Variants in GPS1 observed in about 807,000 individuals in gnomAD.
The protein encoded by GPS1 is COP9 signalosome complex subunit 1.
GPS1 carries 11 observed loss-of-function variants against 60.0 expected under a neutral mutation model. That is an observed-to-expected ratio of 0.18 (90% CI 0.12 to 0.30). The LOEUF is 0.30. Among genes scored for constraint, GPS1 ranks in the 10% least tolerant of loss-of-function variants. GPS1 has a pLI of 1.00. For synonymous variants in GPS1, 343 were observed against 269.8 expected (o/e 1.27, Z -2.66); for missense variants, 543 against 669.2 (o/e 0.81, Z 2.08).
At chr17:82,051,443 C>A, upstream of GPS1, 1 of 1,348,388 alleles carries the variant, frequency 7.4e-7, no homozygotes, top group South Asian at 2.0e-5. The surrounding 1 kb of genome is among the most constrained non-coding windows in gnomAD (Gnocchi z 4.1). Flanking sequence ...GGCCTAGACC[C>A]TGGGAGGCGG....
rs1416734778 is a variant in GPS1, at chr17:82,054,814, G to A, written c.609+4G>A. ...CATGTGCCTCAATGTCATCAAGGTC[G>A]GCCTGCCTCGGCGGGCGGGGGTGGG... On this transcript the variant is annotated splice_donor_region_variant and intron_variant, in intron 4 of 12. Transcript: ENST00000578552. 7 of 1,588,670 alleles carry A rather than the reference G, an allele frequency of 4.4e-6. No individual in the cohort carries two copies. The highest frequency in any genetic ancestry group is 2.7e-5 in the African/African-American group (2 of 74,554).
At chr17:82,051,714 G>A (rs1214392814), upstream of GPS1, 2 of 1,038,950 alleles carry the variant, frequency 1.9e-6, no homozygotes, top group Non-Finnish European at 2.3e-6. This position sits in a 1 kb window ranked among gnomAD's most constrained non-coding sequence, Gnocchi z 4.1. Flanking sequence ...CGCGGCCAGG[G>A]CCGCGGCCAG....
At chr17:82,052,057 C>T (rs1399637222) in intron 1 of GPS1, 93 bp downstream of exon 1, 18 of 993,602 alleles carry the variant, frequency 1.8e-5, no homozygotes, top group Non-Finnish European at 2.2e-5. Context: ...GGGCCTGCGC[C>T]AGGAGTCGGT....
Position 82,054,881 on chromosome 17 carries a change from C to T in GPS1, c.610-17C>T. 1.3e-6 allele frequency: 2 copies of T among 1,571,198 alleles called. No homozygotes were observed. Among genetic ancestry groups the T allele is most frequent in the African/African-American group, 1.3e-5 (1 of 74,474 alleles). ...TTGGGGCGCCCGGGCTCACTTGGCT[C>T]TGCGCCCCCCCGCCAGGTCAGCGTC... On this transcript the variant is annotated splice_polypyrimidine_tract_variant and intron_variant, in intron 4 of 12. Coordinates refer to ENST00000578552, the MANE Select transcript of GPS1 (RefSeq NM_001321092.3).
In GPS1 at chr17:82,054,519, G is replaced by A; in HGVS notation, c.318G>A (p.Gln106=). 1 of 1,536,026 alleles carries A rather than the reference G, an allele frequency of 6.5e-7. No homozygotes were observed. The highest frequency in any genetic ancestry group is 8.7e-7 in the Non-Finnish European group (1 of 1,143,176). Residue 106 remains glutamine, a synonymous_variant, in exon 4 of 13, where the codon CAG becomes CAA. Transcript: ENST00000578552. The part of the protein sequence containing the change: ...RKLSEATREL[Q]NAPDAIPESG... ...CCAGGTCCTCTCTCAGGGAGCTGCA[G>A]AACGCACCCGACGCCATCCCTGAGA...
At chr17:82,051,778 G>A (rs1315037618), upstream of GPS1, 17 of 1,112,888 alleles carry the variant, frequency 1.5e-5, no homozygotes, top group African/African-American at 1.7e-5. This position sits in a 1 kb window ranked among gnomAD's most constrained non-coding sequence, Gnocchi z 4.1. Flanking sequence ...CGGCCGCCGG[G>A]ACCCCCGGCG....
chr17:82,054,188 G>T, intron 3 of GPS1, 139 bp downstream of exon 3: 1 of 977,912 alleles, frequency 1.0e-6, no homozygotes. Context: ...GCTCTCTTTT[G>T]GCCAGCAGTG....
Position 82,055,854 on chromosome 17 carries a change from C to T in GPS1, c.834+29C>T, listed in dbSNP as rs760512015. The T allele has an allele frequency of 5.9e-6, 9 of 1,538,146 alleles. No homozygotes were observed. The South Asian group carries it at 1.1e-4, about 18-fold the overall frequency. ...AGGAGCCCTCTGGGGACTTGGGAGGCAGAGCATGGGCTCATGGGTCAGGCT... is the reference window on the plus strand; with the variant it reads ...AGGAGCCCTCTGGGGACTTGGGAGGTAGAGCATGGGCTCATGGGTCAGGCT... On this transcript the variant is annotated intron_variant, in intron 7 of 12. Coordinates refer to ENST00000578552, the MANE Select transcript of GPS1 (RefSeq NM_001321092.3).
intron 1 of GPS1, chr17:82,052,230 G>C (rs1232626381): frequency 6.4e-7 from 1 of 1,560,108 alleles, no homozygotes; most frequent in Admixed American, 1.8e-5. Flanking sequence ...CGGCCGCCCC[G>C]ACGCTAACGC....
At chr17:82,051,157 G>C, upstream of GPS1, 1 of 1,309,064 alleles carries the variant, frequency 7.6e-7, no homozygotes, top group Middle Eastern at 2.9e-4. This position sits in a 1 kb window ranked among gnomAD's most constrained non-coding sequence, Gnocchi z 4.1. Flanking sequence ...GCGTGACCTG[G>C]GCAGCGTCGG....
Position 82,057,368 on chromosome 17 carries a change from C to T in GPS1, c.*241C>T, listed in dbSNP as rs994212437. 12 of 688,582 alleles carry T rather than the reference C, an allele frequency of 1.7e-5. No homozygotes were observed. Among genetic ancestry groups the T allele is most frequent in the Admixed American group, 4.1e-5 (2 of 49,244 alleles). 42.7% of individuals were successfully genotyped at this position (688,582 alleles called of 1,614,324 possible). The stretch of plus-strand genomic sequence containing the variant: ...TTCTGTCCCCAGGGAGCAGACTGTG[C>T]GGCACCCAGGCCCAGTGGCACCATT... On this transcript the variant is annotated 3_prime_UTR_variant, in exon 13 of 13. Transcript: ENST00000578552.
chr17:82,051,859 C>A, upstream of GPS1: 1 of 1,151,458 alleles, frequency 8.7e-7, no homozygotes, highest in Non-Finnish European at 1.1e-6. The surrounding 1 kb of genome is among the most constrained non-coding windows in gnomAD (Gnocchi z 4.1). Context: ...GGCCCCGCCC[C>A]GCCCCGCGCC....
intron 1 of GPS1, chr17:82,052,189 T>A: frequency 1.0e-5 from 13 of 1,306,278 alleles, no homozygotes; most frequent in East Asian, 9.1e-5. Context: ...CCGCCCCGCC[T>A]CCCCTCCCAG....
upstream of GPS1, chr17:82,051,884 T>C: frequency 8.7e-7 from 1 of 1,152,886 alleles, no homozygotes; most frequent in Non-Finnish European, 1.1e-6. The surrounding 1 kb of genome is among the most constrained non-coding windows in gnomAD (Gnocchi z 4.1). Flanking sequence ...AAGCGACGGC[T>C]TCGCTGCCCC....
intron 1 of GPS1, chr17:82,052,597 G>A: frequency 9.5e-7 from 1 of 1,053,164 alleles, no homozygotes; most frequent in Non-Finnish European, 1.3e-6. Context: ...AGGGAGCCCC[G>A]GTGGGCCCGG....
upstream of GPS1, chr17:82,051,499 C>T: frequency 1.5e-6 from 2 of 1,378,128 alleles, no homozygotes; most frequent in Non-Finnish European, 1.9e-6. The surrounding 1 kb of genome is among the most constrained non-coding windows in gnomAD (Gnocchi z 4.1). Context: ...GTCCGGCGCA[C>T]CTGCTGGCGG....
chr17:82,053,089 C>T (rs1377064121), intron 1 of GPS1, 185 bp from the exon 2 acceptor site: 8 of 432,244 alleles, frequency 1.9e-5, no homozygotes, highest in Non-Finnish European at 3.3e-5. Flanking sequence ...GATGTGGTGG[C>T]ACAGGAGCCT....
At chr17:82,052,282 G>A in intron 1 of GPS1, 3 of 1,610,558 alleles carry the variant, frequency 1.9e-6, no homozygotes, top group African/African-American at 1.3e-5. Flanking sequence ...TGTCAGGGTC[G>A]GGGGGTGCAG....
rs781054262 is a variant in GPS1, at chr17:82,056,090, C to T, written c.924C>T (p.Ser308=). ...DRQELQRNVI[S]SSSFKLFLEL... ...AGGAGCTGCAGCGCAATGTCATCTCCAGCAGGTAGGTGCCCCGGTCCTGCA... is the reference window on the plus strand; with the variant it reads ...AGGAGCTGCAGCGCAATGTCATCTCTAGCAGGTAGGTGCCCCGGTCCTGCA... The change falls in exon 8 of 13, where the codon TCC becomes TCT. Residue 308 remains serine (S), a synonymous_variant. Transcript: ENST00000578552. 1.1e-5 allele frequency: 18 copies of T among 1,611,354 alleles called. No individual in the cohort carries two copies. The highest frequency in any genetic ancestry group is 8.8e-5 in the South Asian group (8 of 91,042).
Sources: gnomAD v4.1 joint callset for allele counts on GRCh38, gnomAD v4.1.1 for gene constraint, Gnocchi (gnomAD v3.1) non-coding constraint, MANE v1.5 for transcripts, NCBI Gene and HGNC (gene_info 2026-07-23, HGNC 2026-07-21) for gene names.